TYW1B: variants seen among roughly 807,000 people sequenced by gnomAD.
TYW1B encodes the protein S-adenosyl-L-methionine-dependent tRNA 4-demethylwyosine synthase TYW1B.
In TYW1B, 73 loss-of-function variants were observed where a neutral mutation model predicts 86.9. The observed-to-expected ratio is 0.84, with a 90% CI of 0.70 to 1.02. TYW1B has a LOEUF of 1.02. TYW1B is among the 50% of genes least tolerant of loss of function. The pLI is 0.00. For missense variants in TYW1B, 637 were observed against 827.4 expected (o/e 0.77, Z 2.82); for synonymous variants, 248 against 292.8 (o/e 0.85, Z 1.56).
intron 11 of TYW1B, among the ~76,000 whole-genome samples, chr7:72,671,809 A>C (rs1251359271): frequency 1.3e-5 from 2 of 149,262 alleles, no homozygotes; most frequent in African/African-American, 4.9e-5. Flanking sequence ...TATTCACTTT[A>C]TTAACTTTAA....
intron 3 of TYW1B, among the ~76,000 whole-genome samples, chr7:72,813,457 T>G (rs1788662773): frequency 6.6e-6 from 1 of 152,172 alleles, no homozygotes; most frequent in Non-Finnish European, 1.5e-5. Flanking sequence ...ATTACAGGCG[T>G]GGGCCACCAC....
intron 7 of TYW1B, among the ~76,000 whole-genome samples, chr7:72,774,365 T>C (rs1193048075): frequency 2.2e-5 from 3 of 133,738 alleles, no homozygotes; most frequent in Non-Finnish European, 4.7e-5. Context: ...CAAAGTAACT[T>C]AACCTTGTCC....
intron 13 of TYW1B, among the ~76,000 whole-genome samples, chr7:72,606,810 G>A (rs568792850): frequency 5.3e-4 from 81 of 152,110 alleles, no homozygotes; most frequent in African/African-American, 1.9e-3. Flanking sequence ...ACCTCTCCCT[G>A]GAAGTAAGGA....
rs541802184 is a variant in TYW1B at position 72,753,284 on chromosome 7, G to A, written c.965-8683C>T. 2.6e-5 allele frequency among the ~76,000 whole-genome samples: 4 copies of A among 151,876 alleles called. No homozygotes were observed. The South Asian group carries it at 8.3e-4, about 32-fold the overall frequency. Reference sequence around the variant, plus strand: ...GGATTTTTTTTTAAGACAAACATTCGCTTAATGGTTGACAGAAAACTAGAT... The same window carrying A: ...GGATTTTTTTTTAAGACAAACATTCACTTAATGGTTGACAGAAAACTAGAT... On this transcript the variant is annotated intron_variant, in intron 7 of 13. Coordinates refer to ENST00000620995, the MANE Select transcript of TYW1B (RefSeq NM_001145440.3).
At chr7:72,698,284 A>G (rs1814372531) in intron 10 of TYW1B, among the ~76,000 whole-genome samples, 1 of 152,176 alleles carries the variant, frequency 6.6e-6, no homozygotes, top group Admixed American at 6.6e-5. Context: ...GTTGCTACTT[A>G]TGCCCATTTT....
intron 9 of TYW1B, among the ~76,000 whole-genome samples, chr7:72,714,349 G>A: frequency 6.6e-6 from 1 of 152,084 alleles, no homozygotes; most frequent in East Asian, 1.9e-4. Context: ...AGGCGCAGTA[G>A]CTCACACCTG....
intron 8 of TYW1B, among the ~76,000 whole-genome samples, chr7:72,738,631 A>G (rs562634906): frequency 1.2e-4 from 18 of 152,274 alleles, no homozygotes; most frequent in Admixed American, 9.8e-4. Flanking sequence ...ACATTGTCAA[A>G]TGTTCCAAAT....
chr7:72,723,168 C>G, intron 9 of TYW1B: 4 of 418,530 alleles, frequency 9.6e-6, no homozygotes, highest in East Asian at 8.5e-5. Flanking sequence ...AAAGGGGTGG[C>G]GAGGGAGGGG....
intron 10 of TYW1B, among the ~76,000 whole-genome samples, chr7:72,712,838 C>G (rs1299219850): frequency 1.3e-5 from 2 of 152,152 alleles, no homozygotes; most frequent in Non-Finnish European, 2.9e-5. Context: ...CCCAACCTTT[C>G]TAACTTGACT....
Position 72,757,161 on chromosome 7 carries a change from A to G in TYW1B, c.965-12560T>C, listed in dbSNP as rs183789224. Among the ~76,000 whole-genome samples the G allele has an allele frequency of 3.4e-4, 52 of 152,244 alleles. 1 individual carries two copies. In the East Asian group the frequency reaches 8.5e-3, roughly 25 times the overall value. On this transcript the variant is annotated intron_variant, in intron 7 of 13. Coordinates refer to ENST00000620995, the MANE Select transcript of TYW1B (RefSeq NM_001145440.3). ...GGTGGGCAGATCGCCTGAGGTCAGG[A>G]GTTCGAGACCAGCCTGACCAACATG...
chr7:72,629,033 T>C (rs1554439437), intron 11 of TYW1B, 36 bp from the exon 12 acceptor site: 2 of 1,564,702 alleles, frequency 1.3e-6, no homozygotes, highest in Non-Finnish European at 1.7e-6. Flanking sequence ...GTTGTTATCT[T>C]GGTGGATGTC....
chr7:72,690,918 T>A (rs549723700), intron 11 of TYW1B, among the ~76,000 whole-genome samples: 2 of 152,112 alleles, frequency 1.3e-5, no homozygotes, highest in Admixed American at 1.3e-4. Context: ...TGGCTAATTG[T>A]TTTTTTGTAT....
intron 11 of TYW1B, among the ~76,000 whole-genome samples, chr7:72,677,860 C>A (rs1187578779): frequency 6.6e-6 from 1 of 152,052 alleles, no homozygotes; most frequent in South Asian, 2.1e-4. Flanking sequence ...TGCCACCATG[C>A]CCGGCTAATT....
At chr7:72,810,921 CTA>C (rs1411081648) in intron 3 of TYW1B, among the ~76,000 whole-genome samples, 1 of 151,952 alleles carries the variant, frequency 6.6e-6, no homozygotes, top group African/African-American at 2.4e-5. Flanking sequence ...ATTATCCAGA[CTA>C]TACATTCTCA....
At chr7:72,809,059 T>G (rs1458239919) in intron 4 of TYW1B, among the ~76,000 whole-genome samples, 201 of 107,980 alleles carry the variant, frequency 1.9e-3, no homozygotes, top group African/African-American at 6.3e-3. Flanking sequence ...TTTTTTTTTT[T>G]TGAGATGGAG....
intron 5 of TYW1B, among the ~76,000 whole-genome samples, chr7:72,803,360 A>G (rs1194785605): frequency 1.3e-5 from 2 of 152,080 alleles, no homozygotes; most frequent in African/African-American, 4.8e-5. Context: ...AACGAGACAC[A>G]TGCCAAGCAG....
chr7:72,599,835 T>C (rs1420189411), intron 13 of TYW1B, among the ~76,000 whole-genome samples: 1 of 152,034 alleles, frequency 6.6e-6, no homozygotes, highest in Non-Finnish European at 1.5e-5. Context: ...AGATACACGA[T>C]ATATATATGT....
At chr7:72,756,157 A>G (rs1787583458) in intron 7 of TYW1B, among the ~76,000 whole-genome samples, 1 of 152,076 alleles carries the variant, frequency 6.6e-6, no homozygotes, top group Non-Finnish European at 1.5e-5. Flanking sequence ...AAAGTCAAGC[A>G]TGGTTGGAGA....
intron 4 of TYW1B, among the ~76,000 whole-genome samples, chr7:72,807,971 C>T (rs766815989): frequency 7.9e-5 from 12 of 151,934 alleles, no homozygotes; most frequent in African/African-American, 1.2e-4. Flanking sequence ...CTTTGGGAGG[C>T]TGAGGCAGGC....
Sources: gnomAD v4.1 joint callset for allele counts (sites outside exome capture counted in the v4.1 genomes callset) on GRCh38, gnomAD v4.1.1 for gene constraint, MANE v1.5 for transcripts, NCBI Gene and HGNC (gene_info 2026-07-23, HGNC 2026-07-21) for gene names.